The following ZNF236 variants were observed in gnomAD, a reference collection of about 807,000 sequenced individuals.
ZNF236 encodes regulated by glucose.
A neutral mutation model predicts 191.2 loss-of-function variants in ZNF236; 50 were observed. That is an observed-to-expected ratio of 0.26 (90% CI 0.21 to 0.33). The LOEUF (loss-of-function observed/expected upper bound fraction) is 0.33. ZNF236 is among the 10% of genes least tolerant of loss of function. The pLI is 1.00. For missense variants in ZNF236, 1,754 were observed against 2,374.5 expected (o/e 0.74, Z 5.43); for synonymous variants, 907 against 928.8 (o/e 0.98, Z 0.43).
Position 76,969,086 on chromosome 18 carries a change from T to C in ZNF236, c.*747T>C. On this transcript the variant is annotated 3_prime_UTR_variant, in exon 31 of 31. Coordinates refer to ENST00000320610, the MANE Select transcript of ZNF236 (RefSeq NM_001306089.2). ...TGTGTTCAGGTCCAGGGTTACATAATTGCAGAAGCACAAGCCATACATCGC... is the reference window on the plus strand; with the variant it reads ...TGTGTTCAGGTCCAGGGTTACATAACTGCAGAAGCACAAGCCATACATCGC... 1 of 671,184 alleles carries C rather than the reference T, an allele frequency of 1.5e-6. No individual in the cohort carries two copies. Among genetic ancestry groups the C allele is most frequent in the Non-Finnish European group, 1.8e-6 (1 of 542,332 alleles). 41.6% of individuals were successfully genotyped at this position (671,184 alleles called of 1,614,324 possible).
intron 21 of ZNF236, 135 bp downstream of exon 21, chr18:76,923,309 G>T: frequency 1.8e-6 from 1 of 557,874 alleles, no homozygotes; most frequent in Non-Finnish European, 3.1e-6. Context: ...AGAAGGAAGT[G>T]ATATAAAAGA....
At chr18:76,967,372 G>A (rs1968801616) in intron 30 of ZNF236, among the ~76,000 whole-genome samples, 2 of 152,252 alleles carry the variant, frequency 1.3e-5, no homozygotes, top group Non-Finnish European at 2.9e-5. Context: ...TGGAGGTGGT[G>A]TGATCTGTGA....
intron 25 of ZNF236, among the ~76,000 whole-genome samples, chr18:76,935,547 G>A (rs1967967228): frequency 6.6e-6 from 1 of 152,216 alleles, no homozygotes; most frequent in African/African-American, 2.4e-5. Flanking sequence ...CAGTTGGGGT[G>A]AGGTTTGAAT....
intron 7 of ZNF236, among the ~76,000 whole-genome samples, chr18:76,879,001 G>T (rs1976794400): frequency 6.6e-6 from 1 of 152,140 alleles, no homozygotes. Context: ...CAGGTAGAAT[G>T]TTGTAAAATG....
chr18:76,837,838 A>G (rs1212637528), intron 1 of ZNF236, among the ~76,000 whole-genome samples: 2 of 152,194 alleles, frequency 1.3e-5, no homozygotes, highest in African/African-American at 2.4e-5. Flanking sequence ...TCAATGGATG[A>G]TAAATATATG....
At chr18:76,839,324 A>G (rs1178243395) in intron 1 of ZNF236, among the ~76,000 whole-genome samples, 1 of 152,146 alleles carries the variant, frequency 6.6e-6, no homozygotes, top group Non-Finnish European at 1.5e-5. Flanking sequence ...GAGTGGCTAT[A>G]GCAATTTTCA....
intron 3 of ZNF236, among the ~76,000 whole-genome samples, chr18:76,856,878 T>C (rs1291183639): frequency 1.3e-5 from 2 of 152,198 alleles, no homozygotes; most frequent in Non-Finnish European, 2.9e-5. Context: ...TGATTAGAAA[T>C]GCTTCCCAAT....
At chr18:76,904,355 C>T (rs553242839) in intron 11 of ZNF236, 25 bp from the exon 12 acceptor site, 11 of 1,580,800 alleles carry the variant, frequency 7.0e-6, no homozygotes, top group Non-Finnish European at 8.6e-6. Context: ...CAGTGAATTA[C>T]ATCTGCTTTT....
chr18:76,846,661 G>C lies in ZNF236; in HGVS notation c.56-2865G>C, dbSNP rs1489737806. Among the ~76,000 whole-genome samples the C allele has an allele frequency of 2.0e-5, 3 of 152,120 alleles. No homozygotes were observed. In the East Asian group the frequency reaches 5.8e-4, roughly 29 times the overall value. Reference sequence around the variant, plus strand: ...TGTGTCTGAACCAAATTAATTCTGTGTTATATCACTGTTTGGAAGAAGAGA... The same window carrying C: ...TGTGTCTGAACCAAATTAATTCTGTCTTATATCACTGTTTGGAAGAAGAGA... On this transcript the variant is annotated intron_variant, in intron 1 of 30. Coordinates refer to ENST00000320610, the MANE Select transcript of ZNF236 (RefSeq NM_001306089.2).
intron 26 of ZNF236, among the ~76,000 whole-genome samples, chr18:76,943,424 G>T (rs1462072533): frequency 6.6e-6 from 1 of 152,120 alleles, no homozygotes; most frequent in Non-Finnish European, 1.5e-5. Flanking sequence ...AGGTGTAAAC[G>T]TGCATGCAGA....
In ZNF236 at chr18:76,880,152, G is replaced by A; in HGVS notation, c.1024G>A (p.Ala342Thr). 1 of 1,613,984 alleles carries A rather than the reference G, an allele frequency of 6.2e-7. No individual in the cohort carries two copies. Among genetic ancestry groups the A allele is most frequent in the Admixed American group, 1.7e-5 (1 of 60,010 alleles). Residue 342 changes from alanine to threonine, a missense_variant, in exon 8 of 31, where the codon GCC (alanine) becomes ACC (threonine). Ala to Thr is a moderately conservative substitution (Grantham distance 58). This residue lies in a region of ZNF236 where 336 missense variants were observed against 495.1 expected (regional missense o/e 0.68). Transcript: ENST00000320610. This position sits in a 1 kb window ranked among gnomAD's most constrained non-coding sequence, Gnocchi z 5.0. ...GACGTTACCTCTTCAACAGACGGAA[G>A]CCCAAGCCACGTCGGCCTCAAGCCA... ...FQTLPLQQTE[A>T]QATSASSQPS...
chr18:76,966,217 T>C lies in ZNF236; in HGVS notation c.5420-1998T>C, dbSNP rs181213383. Among the ~76,000 whole-genome samples the C allele has an allele frequency of 6.0e-4, 91 of 152,254 alleles. No homozygotes were observed. In the East Asian group the frequency reaches 0.016, roughly 27 times the overall value. ...CCTCATGCTGCTCTGTCCCTTTGAG[T>C]CGGAGGTGCAGTCTAGTCCTGCCTC... is the stretch of plus-strand genomic sequence containing the variant. On this transcript the variant is annotated intron_variant, in intron 30 of 30. Transcript: ENST00000320610.
chr18:76,844,006 A>C, intron 1 of ZNF236, among the ~76,000 whole-genome samples: 1 of 151,860 alleles, frequency 6.6e-6, no homozygotes. Flanking sequence ...TAATCCCAGC[A>C]CTTTGGGAGG....
chr18:76,900,954 G>A (rs1387758394), intron 11 of ZNF236, among the ~76,000 whole-genome samples: 2 of 152,150 alleles, frequency 1.3e-5, no homozygotes, highest in Admixed American at 1.3e-4. Flanking sequence ...GAAGGAGTGC[G>A]CAGCCTAGAT....
At chr18:76,827,947 C>T (rs1414997036) in intron 1 of ZNF236, among the ~76,000 whole-genome samples, 1 of 152,130 alleles carries the variant, frequency 6.6e-6, no homozygotes, top group African/African-American at 2.4e-5. Flanking sequence ...TTTTAGCTTG[C>T]CCCTTTAGTT....
At chr18:76,946,176 T>A (rs1968256393) in intron 26 of ZNF236, among the ~76,000 whole-genome samples, 3 of 152,196 alleles carry the variant, frequency 2.0e-5, no homozygotes, top group Non-Finnish European at 2.9e-5. Context: ...TGGGGGCAAG[T>A]CTTTCCCTTG....
chr18:76,928,359 T>C (rs1281842992), intron 25 of ZNF236, among the ~76,000 whole-genome samples: 2 of 152,246 alleles, frequency 1.3e-5, no homozygotes, highest in Non-Finnish European at 2.9e-5. Context: ...TTTCATTCAT[T>C]GACTCATTTT....
At chr18:76,935,993 G>A (rs1007626278) in intron 25 of ZNF236, 4 of 457,030 alleles carry the variant, frequency 8.8e-6, no homozygotes, top group Non-Finnish European at 1.3e-5. Flanking sequence ...CCAGGTCTGT[G>A]CAGCACAGTG....
chr18:76,875,775 T>C lies in ZNF236; in HGVS notation c.840+111T>C, dbSNP rs958224185. 28 of 1,203,558 alleles carry C rather than the reference T, an allele frequency of 2.3e-5. No individual in the cohort carries two copies. Among genetic ancestry groups the C allele is most frequent in the Non-Finnish European group, 2.9e-5 (27 of 931,066 alleles). The allele number at this position is 1,203,558 out of a possible 1,614,324, so 74.6% of individuals were successfully genotyped here. A position where few individuals can be genotyped will look rare whatever the true frequency, so the allele number is the denominator to read the frequency against. ...TTCCATTTAAAAAAATGCAGATTGA[T>C]TTTGTGCCGAGCAGACCCTGTTTTA... On this transcript the variant is annotated intron_variant, in intron 6 of 30. Transcript: ENST00000320610. This position sits in a 1 kb window ranked among gnomAD's most constrained non-coding sequence, Gnocchi z 4.3.
Sources: allele counts gnomAD v4.1 joint callset (sites outside exome capture counted in the v4.1 genomes callset), GRCh38; gene constraint gnomAD v4.1.1; regional missense constraint gnomAD v4.1.1; non-coding constraint Gnocchi (gnomAD v3.1); transcripts MANE v1.5; gene names NCBI Gene and HGNC (gene_info 2026-07-23, HGNC 2026-07-21).